NAALADL2: variants seen among roughly 807,000 people sequenced by gnomAD.
NAALADL2 encodes the protein N-acetylated alpha-linked acidic dipeptidase like 2, also known as inactive N-acetylated-alpha-linked acidic dipeptidase-like protein 2.
Under a neutral mutation model 87.2 loss-of-function variants are expected in NAALADL2, and 76 were observed. That is an observed-to-expected ratio of 0.87 (90% CI 0.72 to 1.05). NAALADL2 has a LOEUF of 1.05. Ranked by LOEUF, NAALADL2 falls within the 50% of genes least tolerant of loss-of-function variation. NAALADL2 has a pLI of 0.00. For synonymous variants in NAALADL2, 354 were observed against 331.0 expected, an observed-to-expected ratio of 1.07 and a Z score of -0.75; for missense variants, 1,089 against 945.8, an observed-to-expected ratio of 1.15 and a Z score of -1.99.
intron 2 of NAALADL2, among the ~76,000 whole-genome samples, chr3:175,110,182 C>G (rs2108489453): frequency 6.6e-6 from 1 of 151,804 alleles, no homozygotes; most frequent in South Asian, 2.1e-4. Flanking sequence ...TTCTTCAGTC[C>G]TATTCTAAAA....
intron 5 of NAALADL2, among the ~76,000 whole-genome samples, chr3:175,330,523 T>A (rs1171470149): frequency 6.6e-6 from 1 of 151,978 alleles, no homozygotes; most frequent in East Asian, 1.9e-4. Context: ...ACAAGAGGAA[T>A]TTTGGAAGCT....
chr3:174,810,305 C>T (rs115334250), intron 3 of NAALADL2, among the ~76,000 whole-genome samples: 2,177 of 152,118 alleles, frequency 0.014, 66 homozygotes, highest in African/African-American at 0.051. Context: ...AAATTTGAAA[C>T]TCCCTAGAGA....
At chr3:175,590,856 G>A (rs1019635896) in intron 10 of NAALADL2, among the ~76,000 whole-genome samples, 13 of 152,268 alleles carry the variant, frequency 8.5e-5, no homozygotes, top group African/African-American at 3.1e-4. Flanking sequence ...CAAGGACATA[G>A]TTTGAAAATT....
At chr3:175,184,455 A>G (rs1737040117) in intron 2 of NAALADL2, among the ~76,000 whole-genome samples, 1 of 152,070 alleles carries the variant, frequency 6.6e-6, no homozygotes, top group South Asian at 2.1e-4. Context: ...ACATTAATTA[A>G]TTAAATTTTA....
At chr3:174,655,476 C>T (rs891105571) in intron 2 of NAALADL2, among the ~76,000 whole-genome samples, 2 of 151,536 alleles carry the variant, frequency 1.3e-5, no homozygotes, top group Non-Finnish European at 2.9e-5. Context: ...AATATGTATC[C>T]TCTCAAAGAT....
intron 1 of NAALADL2, among the ~76,000 whole-genome samples, chr3:174,942,792 A>G (rs901107066): frequency 4.6e-5 from 7 of 152,150 alleles, no homozygotes; most frequent in African/African-American, 1.7e-4. Flanking sequence ...CCAGTCTTCA[A>G]GTTCTGAGAT....
At chr3:174,571,650 A>T (rs1714943471) in intron 2 of NAALADL2, among the ~76,000 whole-genome samples, 1 of 152,150 alleles carries the variant, frequency 6.6e-6, no homozygotes, top group Non-Finnish European at 1.5e-5. Context: ...AAGTGCTGGG[A>T]TTACAGGTGT....
chr3:174,722,412 C>T (rs79748202), intron 2 of NAALADL2, among the ~76,000 whole-genome samples: 37,574 of 152,014 alleles, frequency 0.25, 4,795 homozygotes, highest in East Asian at 0.37. Flanking sequence ...TGATTAATAA[C>T]GTAGGGTGGG....
chr3:175,046,521 T>C, intron 1 of NAALADL2, among the ~76,000 whole-genome samples: 1 of 152,150 alleles, frequency 6.6e-6, no homozygotes, highest in Admixed American at 6.5e-5. Context: ...ATCGAAGCCC[T>C]CTCCATGAGA....
chr3:174,477,377 G>A (rs1717282536), intron 1 of NAALADL2, among the ~76,000 whole-genome samples: 1 of 152,078 alleles, frequency 6.6e-6, no homozygotes, highest in African/African-American at 2.4e-5. Context: ...CCACGTGGCA[G>A]AGGTAGGAAA....
chr3:175,625,439 C>T (rs370822541), intron 10 of NAALADL2, among the ~76,000 whole-genome samples: 3 of 151,828 alleles, frequency 2.0e-5, no homozygotes, highest in Admixed American at 6.6e-5. Context: ...TATTGCAATG[C>T]GAGAAGTGCA....
intron 11 of NAALADL2, among the ~76,000 whole-genome samples, chr3:175,730,403 T>TAG (rs1169830993): frequency 1.1e-4 from 4 of 36,172 alleles, no homozygotes; most frequent in Non-Finnish European, 2.1e-4. Context: ...CAGATATATA[T>TAG]ATATATATAT....
chr3:175,442,929 T>A (rs1297051943), intron 5 of NAALADL2, among the ~76,000 whole-genome samples: 2 of 152,222 alleles, frequency 1.3e-5, no homozygotes, highest in Non-Finnish European at 2.9e-5. Context: ...TTAATTTTCA[T>A]CTCATATCTA....
At chr3:175,778,932 A>G (rs1750635577) in intron 13 of NAALADL2, among the ~76,000 whole-genome samples, 1 of 152,150 alleles carries the variant, frequency 6.6e-6, no homozygotes, top group African/African-American at 2.4e-5. Context: ...TTATTTAGTA[A>G]TTTTTACATG....
chr3:174,605,425 G>T (rs555234887), intron 2 of NAALADL2, among the ~76,000 whole-genome samples: 16 of 152,334 alleles, frequency 1.1e-4, no homozygotes, highest in African/African-American at 2.9e-4. Flanking sequence ...AAAGAAAGGG[G>T]TGACAGACGG....
chr3:175,080,326 TA>T (rs1717553303), intron 1 of NAALADL2, among the ~76,000 whole-genome samples: 1 of 152,248 alleles, frequency 6.6e-6, no homozygotes. Flanking sequence ...TTAGTTAACA[TA>T]ACTTATTTCT....
intron 5 of NAALADL2, among the ~76,000 whole-genome samples, chr3:175,342,022 G>A (rs1762614774): frequency 6.6e-6 from 1 of 151,974 alleles, no homozygotes; most frequent in South Asian, 2.1e-4. Flanking sequence ...TATTCATATT[G>A]ATCTATATGT....
At chr3:175,781,299 G>T (rs1751031154) in intron 13 of NAALADL2, among the ~76,000 whole-genome samples, 1 of 152,028 alleles carries the variant, frequency 6.6e-6, no homozygotes, top group Non-Finnish European at 1.5e-5. Context: ...GCTGAATAAT[G>T]ATGTTTCAGT....
At chr3:175,274,381 C>G (rs1659455497) in intron 4 of NAALADL2, among the ~76,000 whole-genome samples, 1 of 152,162 alleles carries the variant, frequency 6.6e-6, no homozygotes, top group African/African-American at 2.4e-5. Context: ...CACATTACAA[C>G]AAAAAACTAC....
Sources: gnomAD v4.1 joint callset for allele counts (sites outside exome capture counted in the v4.1 genomes callset) on GRCh38, gnomAD v4.1.1 for gene constraint, MANE v1.5 for transcripts, NCBI Gene and HGNC (gene_info 2026-07-23, HGNC 2026-07-21) for gene names.